Variants in ERG observed in about 807,000 individuals in gnomAD.
ERG encodes transcriptional regulator ERG.
Under a neutral mutation model 55.3 loss-of-function variants are expected in ERG, and 9 were observed. The observed-to-expected ratio is 0.16, with a 90% confidence interval of 0.10 to 0.28. The LOEUF (loss-of-function observed/expected upper bound fraction) is 0.28, where lower values mean the gene tolerates loss of function less well. Ranked by LOEUF, ERG falls within the 10% of genes least tolerant of loss-of-function variation. The pLI is 1.00. For synonymous variants in ERG, 223 were observed against 237.3 expected, an observed-to-expected ratio of 0.94 and a Z score of 0.55; for missense variants, 434 against 631.6, an observed-to-expected ratio of 0.69 and a Z score of 3.35.
chr21:38,629,385 T>G (rs2060344126), intron 1 of ERG, among the ~76,000 whole-genome samples: 1 of 152,228 alleles, frequency 6.6e-6, no homozygotes, highest in South Asian at 2.1e-4. Context: ...AGTGTATTAG[T>G]TAAAATCCAT....
At chr21:38,659,936 C>G (rs1278702125) in intron 1 of ERG, among the ~76,000 whole-genome samples, 2 of 152,084 alleles carry the variant, frequency 1.3e-5, no homozygotes, top group South Asian at 4.2e-4. Flanking sequence ...TTTTAACATG[C>G]CAAGTTTTGC....
rs368055753 is a variant in ERG at position 38,582,247 on chromosome 21, TCAGA to T, written c.-127+2593_-127+2596del. ...GGGAACCCCCAATGTTGTAGCCATG[TCAGA>T]CAGAGTGTAGGTAACCTGGGGACCC... On this transcript the variant is annotated intron_variant, in intron 1 of 8. Transcript: ENST00000398897. Among the ~76,000 whole-genome samples, 50 of 152,264 alleles carry T rather than the reference TCAGA, an allele frequency of 3.3e-4. No individual in the cohort carries two copies. The East Asian group carries it at 8.1e-3, about 25-fold the overall frequency.
intron 5 of ERG, among the ~76,000 whole-genome samples, chr21:38,401,541 C>T (rs1301681816): frequency 6.6e-6 from 1 of 152,162 alleles, no homozygotes; most frequent in Admixed American, 6.5e-5. Flanking sequence ...TTGTAATACT[C>T]AAACCGGGAC....
chr21:38,457,868 T>C (rs1370460397), intron 1 of ERG, among the ~76,000 whole-genome samples: 1 of 152,188 alleles, frequency 6.6e-6, no homozygotes, highest in Admixed American at 6.5e-5. Flanking sequence ...GGGAGCGTCA[T>C]GGGGCTACGC....
chr21:38,517,557 C>CA (rs1158442724), intron 2 of ERG, among the ~76,000 whole-genome samples: 1 of 151,878 alleles, frequency 6.6e-6, no homozygotes, highest in South Asian at 2.1e-4. Context: ...AGAGATTTCT[C>CA]AAAAAACTAA....
rs1384049487 is a variant in ERG at position 38,498,247 on chromosome 21, C to T, written c.18+116G>A. On this transcript the variant is annotated intron_variant, in intron 1 of 9. Coordinates refer to ENST00000288319, the MANE Select transcript of ERG (RefSeq NM_182918.4). This position sits in a 1 kb window ranked among gnomAD's most constrained non-coding sequence, Gnocchi z 4.6. The stretch of plus-strand genomic sequence containing the variant: ...AGTGCAAAGGAAATCTTGTTGTCCT[C>T]TATTGTGGCAGTGGGGGTGTTGCCC... The T allele has an allele frequency of 1.2e-6, 1 of 857,138 alleles. No individual in the cohort carries two copies. The highest frequency in any genetic ancestry group is 2.0e-5 in the Admixed American group (1 of 50,284). The allele number at this position is 857,138 out of a possible 1,614,324, so 53.1% of individuals were successfully genotyped here.
chr21:38,445,328 A>C, intron 2 of ERG, 76 bp downstream of exon 2: 1 of 1,142,398 alleles, frequency 8.8e-7, no homozygotes, highest in Non-Finnish European at 1.3e-6. Context: ...GAGAAGCATG[A>C]CTGACTTCCA....
chr21:38,552,638 T>G (rs984591787), intron 2 of ERG, among the ~76,000 whole-genome samples: 1 of 152,120 alleles, frequency 6.6e-6, no homozygotes, highest in Non-Finnish European at 1.5e-5. Context: ...CAACATCCTT[T>G]CATGTTTAAA....
At chr21:38,407,882 A>G (rs1223834789) in intron 3 of ERG, among the ~76,000 whole-genome samples, 2 of 147,648 alleles carry the variant, frequency 1.4e-5, no homozygotes, top group African/African-American at 4.9e-5. Context: ...AATAAAATAT[A>G]TAATATATAT....
At chr21:38,624,385 A>G (rs1354170398) in intron 1 of ERG, among the ~76,000 whole-genome samples, 1 of 152,214 alleles carries the variant, frequency 6.6e-6, no homozygotes, top group African/African-American at 2.4e-5. Flanking sequence ...AGGTACAGCA[A>G]ACCACCATGG....
chr21:38,453,009 C>T (rs950533565), intron 1 of ERG, among the ~76,000 whole-genome samples: 1 of 152,204 alleles, frequency 6.6e-6, no homozygotes, highest in East Asian at 1.9e-4. Flanking sequence ...CATCATAATG[C>T]TATAAATGGG....
chr21:38,466,323 G>GTGTGTGTGTGTGTT (rs2059089686), intron 1 of ERG, among the ~76,000 whole-genome samples: 1 of 151,428 alleles, frequency 6.6e-6, no homozygotes, highest in African/African-American at 2.4e-5. Flanking sequence ...GTGTGTGTGT[G>GTGTGTGTGTGTGTT]TGTGTGTGTG....
rs780550317 is a variant in ERG, at chr21:38,383,361, G to A, written c.*42C>T. 7.6e-6 allele frequency: 11 copies of A among 1,455,126 alleles called. No homozygotes were observed. The highest frequency in any genetic ancestry group is 1.0e-5 in the Non-Finnish European group (11 of 1,100,114). The allele number at this position is 1,455,126 out of a possible 1,614,324, so 90.1% of individuals were successfully genotyped here. ...TCTCCGATAGAGTTTGTGGCGATGG[G>A]CTGGTGAATGCACGCTGATGGGAAA... On this transcript the variant is annotated 3_prime_UTR_variant, in exon 10 of 10. Transcript: ENST00000288319. The surrounding 1 kb of genome is among the most constrained non-coding windows in gnomAD (Gnocchi z 5.7).
intron 2 of ERG, among the ~76,000 whole-genome samples, chr21:38,435,478 G>A (rs551081608): frequency 2.6e-5 from 4 of 152,168 alleles, no homozygotes; most frequent in East Asian, 1.9e-4. Context: ...AACTGAAACC[G>A]TAGATGTTTG....
At chr21:38,386,334 C>G (rs1987690322) in intron 9 of ERG, among the ~76,000 whole-genome samples, 1 of 152,156 alleles carries the variant, frequency 6.6e-6, no homozygotes, top group African/African-American at 2.4e-5. Flanking sequence ...AATGCAAAAT[C>G]AATGAATGTT....
At chr21:38,403,209 C>T (rs774814467) in intron 4 of ERG, among the ~76,000 whole-genome samples, 1 of 152,186 alleles carries the variant, frequency 6.6e-6, no homozygotes, top group Non-Finnish European at 1.5e-5. Context: ...CCAGTTAACG[C>T]TTCCTTTCCC....
intron 1 of ERG, among the ~76,000 whole-genome samples, chr21:38,658,466 T>C (rs904304673): frequency 6.6e-6 from 1 of 152,232 alleles, no homozygotes; most frequent in Non-Finnish European, 1.5e-5. Flanking sequence ...GGTTTTTGCC[T>C]GGGAATAGGA....
Position 38,409,340 on chromosome 21 carries a change from G to A in ERG, c.389-5631C>T, listed in dbSNP as rs572975141. On this transcript the variant is annotated intron_variant, in intron 3 of 9. Coordinates refer to ENST00000288319, the MANE Select transcript of ERG (RefSeq NM_182918.4). ...CTCTACTAAAAATACAAAATTAGCC[G>A]GGTGTGGTGGCGCATGCCTGTAATG... 8.5e-5 allele frequency among the ~76,000 whole-genome samples: 13 copies of A among 152,126 alleles called. No homozygotes were observed. In the East Asian group the frequency reaches 9.7e-4, roughly 11 times the overall value.
intron 1 of ERG, among the ~76,000 whole-genome samples, chr21:38,579,796 GCCT>G (rs2060017102): frequency 6.7e-6 from 1 of 149,698 alleles, no homozygotes; most frequent in Admixed American, 6.7e-5. Flanking sequence ...ACCCTCCCCT[GCCT>G]CCTCAACCCA....
Sources: gnomAD v4.1 joint callset for allele counts (sites outside exome capture counted in the v4.1 genomes callset) on GRCh38, gnomAD v4.1.1 for gene constraint, Gnocchi (gnomAD v3.1) non-coding constraint, MANE v1.5 for transcripts, NCBI Gene and HGNC (gene_info 2026-07-23, HGNC 2026-07-21) for gene names.